ARHGEF3: variants seen among roughly 807,000 people sequenced by gnomAD.
ARHGEF3 encodes the protein 59.8 kDA protein.
A neutral mutation model predicts 63.2 loss-of-function variants in ARHGEF3; 28 were observed. The ratio of observed to expected loss-of-function variants is 0.44; its 90% CI spans 0.33 to 0.61. The LOEUF (loss-of-function observed/expected upper bound fraction) is 0.61, where lower values mean the gene tolerates loss of function less well. Ranked by LOEUF, ARHGEF3 falls within the 20% of genes least tolerant of loss-of-function variation. The pLI, the probability that ARHGEF3 is intolerant of heterozygous loss-of-function variation, is 0.03. For missense variants in ARHGEF3, 533 were observed against 659.3 expected, an observed-to-expected ratio of 0.81 and a Z score of 2.10; for synonymous variants, 266 against 254.2, an observed-to-expected ratio of 1.05 and a Z score of -0.44.
intron 3 of ARHGEF3, among the ~76,000 whole-genome samples, chr3:56,916,625 C>T (rs2041997294): frequency 1.3e-5 from 2 of 152,168 alleles, no homozygotes; most frequent in Admixed American, 1.3e-4. Flanking sequence ...ACTGACAATC[C>T]CCAGCCTGTA....
At chr3:56,949,246 C>T (rs1195701809) in intron 3 of ARHGEF3, among the ~76,000 whole-genome samples, 1 of 151,982 alleles carries the variant, frequency 6.6e-6, no homozygotes, top group Non-Finnish European at 1.5e-5. Flanking sequence ...TCTCACCACT[C>T]CTATTCAACA....
At chr3:57,024,299 A>T (rs1048977337) in intron 2 of ARHGEF3, among the ~76,000 whole-genome samples, 1 of 22,182 alleles carries the variant, frequency 4.5e-5, no homozygotes, top group African/African-American at 1.2e-4. Flanking sequence ...GAAAGATATT[A>T]AAAAAAAAAA....
chr3:56,869,156 G>A (rs1457928365), intron 4 of ARHGEF3, among the ~76,000 whole-genome samples: 8 of 140,532 alleles, frequency 5.7e-5, no homozygotes, highest in African/African-American at 1.5e-4. Flanking sequence ...GGTACGTGAG[G>A]AGTTAAAAAA....
At chr3:57,074,424 C>A in intron 1 of ARHGEF3, 1 of 646,600 alleles carries the variant, frequency 1.5e-6, no homozygotes, top group Middle Eastern at 4.2e-4. Context: ...AAGAAGCCTC[C>A]CTGTCACACT....
At chr3:57,000,307 C>T (rs1702139205) in intron 2 of ARHGEF3, among the ~76,000 whole-genome samples, 1 of 52,830 alleles carries the variant, frequency 1.9e-5, no homozygotes, top group African/African-American at 5.0e-5. Context: ...TAGAGGGTAA[C>T]TCCCACACAC....
intron 1 of ARHGEF3, among the ~76,000 whole-genome samples, chr3:57,062,449 G>A (rs986894677): frequency 3.3e-5 from 5 of 152,196 alleles, no homozygotes; most frequent in East Asian, 3.9e-4. Context: ...TCAGGAGCAC[G>A]GCGGCGGGGG....
chr3:56,837,781 A>G (rs998846581), intron 4 of ARHGEF3, among the ~76,000 whole-genome samples: 1 of 152,208 alleles, frequency 6.6e-6, no homozygotes, highest in African/African-American at 2.4e-5. Flanking sequence ...TCTACCATGA[A>G]TACATGACCA....
chr3:57,067,627 G>A (rs958494573), intron 1 of ARHGEF3, among the ~76,000 whole-genome samples: 10 of 151,150 alleles, frequency 6.6e-5, no homozygotes, highest in African/African-American at 2.4e-4. Context: ...ATGAGGCCAG[G>A]AGTTTGAGAC....
chr3:56,943,276 A>C (rs1359711538), intron 3 of ARHGEF3, among the ~76,000 whole-genome samples: 1 of 152,200 alleles, frequency 6.6e-6, no homozygotes. Context: ...TTTAAGTTGA[A>C]GCCAATGCTC....
At chr3:56,956,226 TTTTTTG>T (rs750248969) in intron 3 of ARHGEF3, among the ~76,000 whole-genome samples, 1 of 148,406 alleles carries the variant, frequency 6.7e-6, no homozygotes, top group Non-Finnish European at 1.5e-5. Flanking sequence ...TGTTTTTTTT[TTTTTTG>T]TTTGTTTGTT....
At chr3:56,780,573 C>G (rs2036516682) in intron 1 of ARHGEF3, among the ~76,000 whole-genome samples, 2 of 152,210 alleles carry the variant, frequency 1.3e-5, no homozygotes, top group South Asian at 4.1e-4. Context: ...GTTCCAGGAT[C>G]TAATCTAGAA....
chr3:56,879,665 G>A (rs1034058764), intron 4 of ARHGEF3, among the ~76,000 whole-genome samples: 1 of 146,010 alleles, frequency 6.8e-6, no homozygotes, highest in African/African-American at 2.5e-5. Context: ...TTTTTTTAAA[G>A]ATACTTTCCA....
chr3:56,824,035 T>G (rs553951833), intron 4 of ARHGEF3, among the ~76,000 whole-genome samples: 8 of 149,916 alleles, frequency 5.3e-5, no homozygotes, highest in South Asian at 2.1e-4. Flanking sequence ...GAGAAGGCTG[T>G]ACTAAAACCA....
At chr3:56,908,392 A>G (rs993921714) in intron 3 of ARHGEF3, among the ~76,000 whole-genome samples, 1 of 152,200 alleles carries the variant, frequency 6.6e-6, no homozygotes, top group Non-Finnish European at 1.5e-5. Flanking sequence ...AAATGTCCCC[A>G]TCTCCGCGTC....
Position 56,934,573 on chromosome 3 carries a change from C to G in ARHGEF3, c.129+24250G>C, listed in dbSNP as rs535985333. Among the ~76,000 whole-genome samples the G allele has an allele frequency of 8.5e-5, 13 of 152,368 alleles. No individual in the cohort carries two copies. In the South Asian group the frequency reaches 2.3e-3, roughly 27 times the overall value. On this transcript the variant is annotated intron_variant, in intron 3 of 12. Coordinates refer to the ARHGEF3 transcript ENST00000338458. ...CCCGCACTCGGAGCAGCTGCCGGCTCTGCCAGCCCAGGGCAATGAGGGACT... is the reference window on the plus strand; with the variant it reads ...CCCGCACTCGGAGCAGCTGCCGGCTGTGCCAGCCCAGGGCAATGAGGGACT...
At chr3:56,756,497 C>G (rs2035071538) in intron 2 of ARHGEF3, among the ~76,000 whole-genome samples, 1 of 150,694 alleles carries the variant, frequency 6.6e-6, no homozygotes, top group Non-Finnish European at 1.5e-5. Context: ...GTACTCCCTT[C>G]AAACAATCTT....
intron 2 of ARHGEF3, among the ~76,000 whole-genome samples, chr3:56,972,161 C>G (rs1258367921): frequency 6.6e-6 from 1 of 152,016 alleles, no homozygotes; most frequent in East Asian, 1.9e-4. Context: ...GAACGGTAAC[C>G]CAAGGTGGTC....
In ARHGEF3 at chr3:57,057,157, G is replaced by A. The variant is rs373446161; in HGVS notation, c.-27-21981C>T. The stretch of plus-strand genomic sequence containing the variant: ...GATGGAGTTTCACTTTGTTGCTCAG[G>A]CTGGGGTGCAGCAGCATGATATCGG... On this transcript the variant is annotated intron_variant, in intron 1 of 12. Coordinates refer to the ARHGEF3 transcript ENST00000338458. Among the ~76,000 whole-genome samples the A allele has an allele frequency of 1.4e-4, 21 of 152,154 alleles. No homozygotes were observed. In the South Asian group the frequency reaches 4.4e-3, roughly 32 times the overall value.
intron 1 of ARHGEF3, among the ~76,000 whole-genome samples, chr3:57,052,001 C>T (rs1704691952): frequency 6.6e-6 from 1 of 152,058 alleles, no homozygotes; most frequent in African/African-American, 2.4e-5. Context: ...CCACTACCAC[C>T]ACCATCTACT....
Sources: gnomAD v4.1 joint callset for allele counts (sites outside exome capture counted in the v4.1 genomes callset) on GRCh38, gnomAD v4.1.1 for gene constraint, MANE v1.5 for transcripts, NCBI Gene and HGNC (gene_info 2026-07-23, HGNC 2026-07-21) for gene names.